The following AGPS variants were observed in gnomAD, a reference collection of about 807,000 sequenced individuals.
AGPS encodes alkyldihydroxyacetonephosphate synthase, peroxisomal.
In AGPS, 26 loss-of-function variants were observed where a neutral mutation model predicts 90.7. The ratio of observed to expected loss-of-function variants is 0.29; its 90% CI spans 0.21 to 0.40. AGPS has a LOEUF of 0.40. AGPS is among the 10% of genes least tolerant of loss of function. AGPS has a pLI of 1.00. For missense variants in AGPS, 540 were observed against 816.1 expected (o/e 0.66, Z 4.12); for synonymous variants, 294 against 285.3 (o/e 1.03, Z -0.31).
chr2:177,504,859 CAA>C (rs1406050559), intron 14 of AGPS, among the ~76,000 whole-genome samples: 9 of 151,958 alleles, frequency 5.9e-5, no homozygotes, highest in Admixed American at 6.6e-5. Context: ...CTTTTACAAA[CAA>C]GAGTACTTGG....
At chr2:177,530,595 A>G (rs2079129559) in intron 19 of AGPS, among the ~76,000 whole-genome samples, 1 of 152,194 alleles carries the variant, frequency 6.6e-6, no homozygotes, top group Admixed American at 6.5e-5. Flanking sequence ...GTTCCAGAGT[A>G]AAAGGGCCAG....
intron 4 of AGPS, 42 bp downstream of exon 4, chr2:177,436,926 A>T: frequency 6.2e-7 from 1 of 1,610,930 alleles, no homozygotes; most frequent in Non-Finnish European, 8.5e-7. Context: ...TTAACAAAAA[A>T]ATTCTATATT....
chr2:177,510,377 C>T (rs1335999593), intron 16 of AGPS, among the ~76,000 whole-genome samples: 2 of 152,278 alleles, frequency 1.3e-5, no homozygotes, highest in African/African-American at 4.8e-5. Flanking sequence ...CCTAATGACC[C>T]ACCTTCTAAT....
rs137943476 is a variant in AGPS at position 177,449,333 on chromosome 2, C to T, written c.870+3707C>T. On this transcript the variant is annotated intron_variant, in intron 8 of 19. Coordinates refer to ENST00000264167, the MANE Select transcript of AGPS (RefSeq NM_003659.4). ...CAGCACTGTATAAGAGTTCCAGTTT[C>T]TCCATATCCTTGCCAATACTTTGTA... 4.2e-3 allele frequency among the ~76,000 whole-genome samples: 642 copies of T among 152,304 alleles called. 1 individual carries two copies. Among genetic ancestry groups the T allele is most frequent in the African/African-American group, 0.015 (604 of 41,562 alleles).
rs1248250672 is a variant in AGPS, at chr2:177,540,325, A to G, written c.*2130A>G. ...TTATGTCTTTGTTTTTCTTTTTCCA[A>G]GTATATGCAGGACTCCCCAACCTTG... On this transcript the variant is annotated 3_prime_UTR_variant, in exon 20 of 20. Coordinates refer to ENST00000264167, the MANE Select transcript of AGPS (RefSeq NM_003659.4). The G allele has an allele frequency of 2.6e-5, 4 of 151,952 alleles. No individual in the cohort carries two copies. The highest frequency in any genetic ancestry group is 4.8e-5 in the African/African-American group (2 of 41,400). The allele number at this position is 151,952 out of a possible 1,614,324, so 9.4% of individuals were successfully genotyped here.
At chr2:177,523,842 A>G in intron 19 of AGPS, 37 bp downstream of exon 19, 1 of 1,531,386 alleles carries the variant, frequency 6.5e-7, no homozygotes, top group Non-Finnish European at 9.0e-7. Flanking sequence ...TAATATTCTT[A>G]CTTTAAAAAA....
chr2:177,414,557 G>A (rs1055916853), intron 1 of AGPS, among the ~76,000 whole-genome samples: 1 of 152,050 alleles, frequency 6.6e-6, no homozygotes, highest in Non-Finnish European at 1.5e-5. Flanking sequence ...GTTGACTGTA[G>A]GTAGTTAAAT....
chr2:177,406,531 GGT>G (rs1685472254), intron 1 of AGPS, among the ~76,000 whole-genome samples: 3 of 152,252 alleles, frequency 2.0e-5, no homozygotes, highest in Admixed American at 2.0e-4. Flanking sequence ...AAGAGGACAT[GGT>G]GTGTATAAGG....
At chr2:177,393,335 A>G in intron 1 of AGPS, 2 of 985,392 alleles carry the variant, frequency 2.0e-6, no homozygotes, top group African/African-American at 3.5e-5. Context: ...CTGAGCTTTT[A>G]GTGCCAGGAA....
chr2:177,469,920 A>G (rs1191095651), intron 10 of AGPS, among the ~76,000 whole-genome samples: 1 of 152,224 alleles, frequency 6.6e-6, no homozygotes, highest in Non-Finnish European at 1.5e-5. Context: ...ATAATAACAG[A>G]CAATTATACA....
At chr2:177,415,330 A>G (rs1223591609) in intron 1 of AGPS, among the ~76,000 whole-genome samples, 1 of 152,226 alleles carries the variant, frequency 6.6e-6, no homozygotes, top group African/African-American at 2.4e-5. Context: ...TAGTTGGGTC[A>G]TAGAATTGGC....
intron 6 of AGPS, among the ~76,000 whole-genome samples, chr2:177,441,849 A>T (rs1299759757): frequency 6.6e-6 from 1 of 152,224 alleles, no homozygotes; most frequent in Non-Finnish European, 1.5e-5. Flanking sequence ...TCTATGTATT[A>T]TTCTATATTA....
intron 9 of AGPS, among the ~76,000 whole-genome samples, chr2:177,466,964 C>A (rs748236876): frequency 2.6e-5 from 4 of 152,192 alleles, no homozygotes; most frequent in Non-Finnish European, 2.9e-5. Flanking sequence ...TGGGCTGCCA[C>A]AGCTGCACTC....
intron 14 of AGPS, 92 bp from the exon 15 acceptor site, chr2:177,505,414 T>C: frequency 8.7e-7 from 1 of 1,145,664 alleles, no homozygotes; most frequent in Non-Finnish European, 1.3e-6. Context: ...ATTTTTGTTA[T>C]TCAAACTTAT....
rs544092469 is a variant in AGPS at position 177,431,391 on chromosome 2, C to T, written c.351-2936C>T. On this transcript the variant is annotated intron_variant, in intron 2 of 19. Transcript: ENST00000264167. ...ATGAGGGTCTGTGTTCGGCTGTGCA[C>T]GTATTGTCTTGATAAACATCTTAAA... Among the ~76,000 whole-genome samples, 11 of 152,250 alleles carry T rather than the reference C, an allele frequency of 7.2e-5. No homozygotes were observed. In the East Asian group the frequency reaches 7.7e-4, roughly 11 times the overall value.
intron 1 of AGPS, among the ~76,000 whole-genome samples, chr2:177,414,897 C>CGTGTGTGTGTGT (rs397986794): frequency 0.077 from 11,243 of 146,026 alleles, 493 homozygotes; most frequent in African/African-American, 0.092. Context: ...TATGAAGGTT[C>CGTGTGTGTGTGT]GTGTGTGTGT....
Position 177,415,625 on chromosome 2 carries a change from T to C in AGPS, c.261-4644T>C, listed in dbSNP as rs539232726. On this transcript the variant is annotated intron_variant, in intron 1 of 19. Transcript: ENST00000264167. ...AAGTTTAAAGTGTTGCATGATAATG[T>C]TCAAGAAGGCTCACTGTCTAGAGGA... Among the ~76,000 whole-genome samples, 13 of 152,274 alleles carry C rather than the reference T, an allele frequency of 8.5e-5. 1 individual carries two copies. In the South Asian group the frequency reaches 2.7e-3, roughly 32 times the overall value.
intron 14 of AGPS, among the ~76,000 whole-genome samples, chr2:177,502,244 G>A (rs929149348): frequency 1.8e-5 from 1 of 56,006 alleles, no homozygotes; most frequent in African/African-American, 6.1e-5. Context: ...CTCCGTTTGA[G>A]GTCTCATTTT....
chr2:177,435,758 C>T (rs1686387088), intron 3 of AGPS, among the ~76,000 whole-genome samples: 2 of 152,152 alleles, frequency 1.3e-5, no homozygotes, highest in Admixed American at 1.3e-4. Context: ...TGTATGATAG[C>T]TTCCCTCAAT....
Sources: gnomAD v4.1 joint callset for allele counts (sites outside exome capture counted in the v4.1 genomes callset) on GRCh38, gnomAD v4.1.1 for gene constraint, MANE v1.5 for transcripts, NCBI Gene and HGNC (gene_info 2026-07-23, HGNC 2026-07-21) for gene names.